Variants in AR observed in about 807,000 individuals in gnomAD.
AR encodes dihydrotestosterone receptor.
Under a neutral mutation model 53.9 loss-of-function variants are expected in AR, and 8 were observed. That is an observed-to-expected ratio of 0.15 (90% confidence interval 0.09 to 0.27). The LOEUF is 0.27. AR is among the 10% of genes least tolerant of loss of function. The pLI is 1.00. For missense variants in AR, 639 were observed against 742.5 expected (o/e 0.86, Z 1.62); for synonymous variants, 359 against 316.4 (o/e 1.13, Z -1.43).
intron 2 of AR, among the ~76,000 whole-genome samples, chrX:67,669,078 T>A (rs1927411040): frequency 9.0e-6 from 1 of 111,656 alleles, no homozygotes. Context: ...ATCATTTCAT[T>A]TCTTCCAGTT....
chrX:67,694,742 A>G (rs955720647), intron 3 of AR: 9 of 1,154,666 alleles, frequency 7.8e-6, no homozygotes, highest in Non-Finnish European at 1.0e-5. Flanking sequence ...GACTTGCCTC[A>G]TTCAAAATGA....
chrX:67,702,391 A>G (rs1602265592), intron 3 of AR, among the ~76,000 whole-genome samples: 1 of 111,330 alleles, frequency 9.0e-6, no homozygotes, highest in South Asian at 3.8e-4. Flanking sequence ...CCAAGAACTC[A>G]TGTTTGCAAT....
intron 2 of AR, among the ~76,000 whole-genome samples, chrX:67,660,110 A>AT (rs2147459934): frequency 9.0e-6 from 1 of 111,637 alleles, no homozygotes; most frequent in East Asian, 2.8e-4. Flanking sequence ...GATTCTGGAT[A>AT]TTACCCTTTG....
intron 2 of AR, among the ~76,000 whole-genome samples, chrX:67,675,304 G>T (rs746335640): frequency 9.1e-6 from 1 of 110,167 alleles, no homozygotes; most frequent in South Asian, 4.0e-4. Context: ...ACCCCAGCTG[G>T]TGTCTTACTA....
Position 67,643,301 on chromosome X carries a change from T to C in AR, c.1662T>C (p.Phe554=), listed in dbSNP as rs1369061157. The C allele has an allele frequency of 8.3e-7, 1 of 1,211,534 alleles. No homozygotes were observed. The highest frequency in any genetic ancestry group is 2.2e-5 in the Admixed American group (1 of 45,908). ...ATGTTTTGCCCATTGACTATTACTT[T>C]CCACCCCAGAAGACCTGCCTGATCT... The part of the protein sequence containing the change: ...RDHVLPIDYY[F]PPQKTCLICG... Residue 554 remains phenylalanine, a synonymous_variant, in exon 2 of 8, where the codon TTT becomes TTC. Coordinates refer to ENST00000374690, the MANE Select transcript of AR (RefSeq NM_000044.6).
At chrX:67,635,108 CT>C (rs1467577207) in intron 1 of AR, among the ~76,000 whole-genome samples, 1 of 107,664 alleles carries the variant, frequency 9.3e-6, no homozygotes, top group Non-Finnish European at 1.9e-5. Context: ...GAAAAGTGCT[CT>C]TTTTTATTTT....
intron 2 of AR, among the ~76,000 whole-genome samples, chrX:67,683,045 C>T (rs1292790381): frequency 8.9e-6 from 1 of 112,142 alleles, no homozygotes; most frequent in East Asian, 2.8e-4. Context: ...TGATCACCCA[C>T]ATATGCACAG....
At chrX:67,701,685 C>T (rs1437570910) in intron 3 of AR, among the ~76,000 whole-genome samples, 5 of 109,207 alleles carry the variant, frequency 4.6e-5, no homozygotes, top group Non-Finnish European at 9.5e-5. Flanking sequence ...CACACACACA[C>T]ACACACACAC....
chrX:67,710,189 A>C (rs2076088144), intron 3 of AR, among the ~76,000 whole-genome samples: 1 of 111,464 alleles, frequency 9.0e-6, no homozygotes, highest in Non-Finnish European at 1.9e-5. Context: ...AAGTCTAGTC[A>C]TTCTCCATTT....
chrX:67,618,935 A>G (rs1011810335), intron 1 of AR, among the ~76,000 whole-genome samples: 5 of 111,902 alleles, frequency 4.5e-5, no homozygotes, highest in Admixed American at 9.5e-5. Flanking sequence ...ATAAGAAGCT[A>G]GAAATAAGCT....
chrX:67,668,546 G>T (rs1927378225), intron 2 of AR, among the ~76,000 whole-genome samples: 1 of 110,833 alleles, frequency 9.0e-6, no homozygotes, highest in Non-Finnish European at 1.9e-5. Context: ...TGTCTTTTGG[G>T]TTTTGTTATC....
chrX:67,664,824 C>T (rs900599113), intron 2 of AR, among the ~76,000 whole-genome samples: 2 of 112,432 alleles, frequency 1.8e-5, no homozygotes, highest in East Asian at 2.8e-4. Flanking sequence ...GGCGGGCACC[C>T]CTCCCCCAGC....
chrX:67,709,635 G>A (rs1044274477), intron 3 of AR, among the ~76,000 whole-genome samples: 1 of 111,993 alleles, frequency 8.9e-6, no homozygotes, highest in Non-Finnish European at 1.9e-5. Flanking sequence ...TTGGTGCACT[G>A]CACCCACTGT....
intron 3 of AR, among the ~76,000 whole-genome samples, chrX:67,705,084 C>A (rs1159907176): frequency 9.0e-6 from 1 of 111,469 alleles, no homozygotes; most frequent in Non-Finnish European, 1.9e-5. Flanking sequence ...TAGCGTGATA[C>A]CTCCAGCTTT....
intron 1 of AR, among the ~76,000 whole-genome samples, chrX:67,572,189 AGCAAACCCT>A (rs1174537870): frequency 1.8e-5 from 2 of 111,923 alleles, no homozygotes; most frequent in African/African-American, 3.2e-5. Flanking sequence ...TGTCTTCTGA[AGCAAACCCT>A]GCAAACCCTG....
chrX:67,727,647 C>T lies in AR; in HGVS notation c.*3806C>T, dbSNP rs2076163150. 1.7e-5 allele frequency: 3 copies of T among 173,873 alleles called. No individual in the cohort carries two copies. Among genetic ancestry groups the T allele is most frequent in the Non-Finnish European group, 3.3e-5 (3 of 90,364 alleles). The allele number at this position is 173,873 out of a possible 1,213,427, so 14.3% of individuals were successfully genotyped here. A position where few individuals can be genotyped will look rare whatever the true frequency, so the allele number is the denominator to read the frequency against. On this transcript the variant is annotated 3_prime_UTR_variant, in exon 8 of 8. Transcript: ENST00000374690. The stretch of plus-strand genomic sequence containing the variant: ...GCCCAGGCCACTTCCTCTGCCCCTT[C>T]CCAGCCCTGCACCAAAGCTGCATTT...
intron 1 of AR, among the ~76,000 whole-genome samples, chrX:67,577,659 A>C (rs1172455331): frequency 9.0e-6 from 1 of 111,175 alleles, no homozygotes; most frequent in Non-Finnish European, 1.9e-5. Flanking sequence ...TGTCCTTTTC[A>C]GCTTTTTTGA....
chrX:67,585,192 G>T (rs745385603), intron 1 of AR, among the ~76,000 whole-genome samples: 2 of 107,736 alleles, frequency 1.9e-5, no homozygotes, highest in Non-Finnish European at 3.8e-5. Context: ...GAAAGCAGAG[G>T]TTGGAGATTG....
intron 1 of AR, among the ~76,000 whole-genome samples, chrX:67,548,659 A>T (rs756233886): frequency 6.3e-5 from 7 of 111,569 alleles, no homozygotes; most frequent in African/African-American, 1.6e-4. Flanking sequence ...TTTGCTAAAA[A>T]ATGTGTGCCT....
Sources: gnomAD v4.1 joint callset for allele counts (sites outside exome capture counted in the v4.1 genomes callset) on GRCh38, gnomAD v4.1.1 for gene constraint, MANE v1.5 for transcripts, NCBI Gene and HGNC (gene_info 2026-07-23, HGNC 2026-07-21) for gene names.